Variants in POR observed in about 807,000 individuals in gnomAD.
POR encodes NADPH--cytochrome P450 reductase.
In POR, 56 loss-of-function variants were observed where a neutral mutation model predicts 84.0. That is an observed-to-expected ratio of 0.67 (90% CI 0.54 to 0.83). POR has a LOEUF of 0.83. POR is among the 40% of genes least tolerant of loss of function. The probability of loss-of-function intolerance (pLI) is 0.00; values close to 1 mark genes in which losing one functional copy is unlikely to be tolerated. For missense variants in POR, 938 were observed against 944.3 expected (o/e 0.99, Z 0.09); for synonymous variants, 414 against 400.5 (o/e 1.03, Z -0.40).
chr7:75,955,577 C>T (rs1554553651), intron 2 of POR, among the ~76,000 whole-genome samples: 1 of 152,212 alleles, frequency 6.6e-6, no homozygotes, highest in Non-Finnish European at 1.5e-5. Flanking sequence ...TCCAGGGGCA[C>T]GGGCCTGCTG....
rs1554559218 is a variant in POR, at chr7:75,985,869, G to A, written c.1669+20G>A. The A allele has an allele frequency of 1.3e-6, 2 of 1,551,416 alleles. No individual in the cohort carries two copies. The highest frequency in any genetic ancestry group is 1.2e-5 in the South Asian group (1 of 83,744). ...AGCAGGGTGAGTGGGGTCCCATGGG[G>A]GAGAGGGGGTGACGACTGGGAGCCC... On this transcript the variant is annotated intron_variant, in intron 13 of 15. Coordinates refer to ENST00000461988, the MANE Select transcript of POR (RefSeq NM_000941.3).
At chr7:75,984,980 A>G (rs1200743539) in intron 11 of POR, 22 bp downstream of exon 11, 1 of 1,575,164 alleles carries the variant, frequency 6.3e-7, no homozygotes, top group East Asian at 2.3e-5. Context: ...CAGCCCCCGC[A>G]ACCTCCGCCC....
intron 2 of POR, among the ~76,000 whole-genome samples, chr7:75,961,031 A>G (rs12672697): frequency 0.41 from 62,463 of 152,016 alleles, 13,792 homozygotes; most frequent in African/African-American, 0.57. Flanking sequence ...CCAGGAGTTC[A>G]AGACCAGCCT....
Position 75,986,711 on chromosome 7 carries a change from C to A in POR, c.*230C>A. Reference sequence around the variant, plus strand: ...TGCATGGGGGCACCGGGCTCCATGCCTCTGGAGGCCTCTGGCCCTCGGTGG... The same window carrying A: ...TGCATGGGGGCACCGGGCTCCATGCATCTGGAGGCCTCTGGCCCTCGGTGG... On this transcript the variant is annotated 3_prime_UTR_variant, in exon 16 of 16. Transcript: ENST00000461988. The A allele has an allele frequency of 1.7e-6, 1 of 604,528 alleles. No individual in the cohort carries two copies. Among genetic ancestry groups the A allele is most frequent in the Non-Finnish European group, 2.9e-6 (1 of 344,182 alleles). The allele number at this position is 604,528 out of a possible 1,614,324, so 37.4% of individuals were successfully genotyped here.
At chr7:75,946,035 A>G (rs566419957) in intron 1 of POR, among the ~76,000 whole-genome samples, 3 of 152,186 alleles carry the variant, frequency 2.0e-5, no homozygotes, top group South Asian at 4.2e-4. Context: ...TTATTTGTCC[A>G]TCTTGCTCAG....
chr7:75,972,588 C>T lies in POR; in HGVS notation c.237+127C>T, dbSNP rs782807325. ...CCGGTGGCCAGGAGAGGGAACGCAG[C>T]CCGGCTCGCTTGGGAGTCATTCTTG... On this transcript the variant is annotated intron_variant, in intron 3 of 15. Transcript: ENST00000461988. The T allele has an allele frequency of 6.6e-5, 59 of 896,168 alleles. No homozygotes were observed. In the Middle Eastern group the frequency reaches 7.5e-4, roughly 11 times the overall value. The allele number at this position is 896,168 out of a possible 1,614,324, so 55.5% of individuals were successfully genotyped here. A position where few individuals can be genotyped will look rare whatever the true frequency, so the allele number is the denominator to read the frequency against.
chr7:75,986,174 C>T lies in POR; in HGVS notation c.1831C>T (p.Leu611=), dbSNP rs782032497. The T allele has an allele frequency of 5.6e-6, 9 of 1,611,830 alleles. No individual in the cohort carries two copies. The highest frequency in any genetic ancestry group is 5.5e-5 in the South Asian group (5 of 90,932). ...TTGGCCCCAGGTCTACGTCCAGCAC[C>T]TGCTAAAGCAAGACCGAGAGCACCT... is the stretch of plus-strand genomic sequence containing the variant. The change falls in exon 15 of 16, where the codon CTG becomes TTG. Residue 611 remains leucine (L), a synonymous_variant. Transcript: ENST00000461988.
At chr7:75,965,654 A>G (rs528369714) in intron 2 of POR, among the ~76,000 whole-genome samples, 1 of 152,230 alleles carries the variant, frequency 6.6e-6, no homozygotes, top group South Asian at 2.1e-4. Context: ...TCTCCGGAAA[A>G]TTAGCCCTAG....
chr7:75,932,508 A>C (rs566518790), intron 1 of POR, among the ~76,000 whole-genome samples: 10 of 152,286 alleles, frequency 6.6e-5, no homozygotes, highest in Middle Eastern at 3.4e-3. Context: ...GGAACTTATC[A>C]GTGGCTTACA....
chr7:75,963,665 G>A (rs1052475329), intron 2 of POR, among the ~76,000 whole-genome samples: 1 of 152,226 alleles, frequency 6.6e-6, no homozygotes, highest in Non-Finnish European at 1.5e-5. Context: ...CCCATTGGGG[G>A]TGTGTCAGGG....
At chr7:75,983,242 G>A in intron 8 of POR, 2 of 356,870 alleles carry the variant, frequency 5.6e-6, no homozygotes, top group Non-Finnish European at 1.0e-5. Flanking sequence ...TCAGGAGGCT[G>A]AGGCAGGAGA....
chr7:75,984,041 CCT>C (rs369634181), intron 10 of POR, among the ~76,000 whole-genome samples, 185 bp downstream of exon 10: 1 of 152,164 alleles, frequency 6.6e-6, no homozygotes, highest in Non-Finnish European at 1.5e-5. Context: ...GGGGTCTAGC[CCT>C]CTCTGTCGGG....
intron 8 of POR, 48 bp downstream of exon 8, chr7:75,982,370 G>A: frequency 1.4e-6 from 2 of 1,450,262 alleles, no homozygotes; most frequent in Non-Finnish European, 1.9e-6. Context: ...ATGGCCACTG[G>A]TGCACCCCAG....
At chr7:75,968,914 G>A (rs1788311684) in intron 2 of POR, among the ~76,000 whole-genome samples, 1 of 152,248 alleles carries the variant, frequency 6.6e-6, no homozygotes, top group African/African-American at 2.4e-5. Flanking sequence ...CCGGGCTTCT[G>A]GGATGGGAGC....
intron 2 of POR, among the ~76,000 whole-genome samples, chr7:75,970,071 C>T (rs1424069256): frequency 3.9e-5 from 6 of 152,044 alleles, no homozygotes; most frequent in Admixed American, 6.6e-5. Context: ...CCCAGGGAGC[C>T]GCGTGGAAAT....
intron 1 of POR, chr7:75,946,797 A>G (rs1787193758): frequency 6.6e-6 from 1 of 152,210 alleles, no homozygotes; most frequent in South Asian, 2.1e-4. Context: ...TCAGAGATTA[A>G]AGACTCTTTC....
intron 3 of POR, among the ~76,000 whole-genome samples, chr7:75,974,529 T>C (rs113908956): frequency 2.4e-4 from 35 of 145,896 alleles, no homozygotes; most frequent in African/African-American, 6.8e-4. Flanking sequence ...CTTTTCTTTT[T>C]TTTTTTTTTT....
rs369924019 is a variant in POR, at chr7:75,981,563, G to A, written c.688G>A (p.Val230Met). The A allele has an allele frequency of 2.7e-5, 44 of 1,613,052 alleles. No individual in the cohort carries two copies. The highest frequency in any genetic ancestry group is 2.0e-4 in the African/African-American group (15 of 75,046). Residue 230 changes from valine to methionine, a missense_variant, in exon 7 of 16, where the codon GTG becomes ATG. Val to Met is a conservative substitution (Grantham distance 21). Coordinates refer to ENST00000461988, the MANE Select transcript of POR (RefSeq NM_000941.3). ...CTGGCGAGAGCAGTTCTGGCCGGCCGTGTGTGAACACTTTGGGGTGGAAGC... is the reference window on the plus strand; with the variant it reads ...CTGGCGAGAGCAGTTCTGGCCGGCCATGTGTGAACACTTTGGGGTGGAAGC...
rs1178784293 is a variant in POR, at chr7:75,966,389, A to AG, written c.189-6024_189-6023insG. 3.3e-5 allele frequency among the ~76,000 whole-genome samples: 5 copies of AG among 152,194 alleles called. No individual in the cohort carries two copies. In the East Asian group the frequency reaches 9.6e-4, roughly 29 times the overall value. ...ACTGGCGTTTCCAACCATTAGCCCC[A>AG]TGCCACAAGGCTCTGAAGGTCAAGA... On this transcript the variant is annotated intron_variant, in intron 2 of 15. Coordinates refer to ENST00000461988, the MANE Select transcript of POR (RefSeq NM_000941.3).
Sources: gnomAD v4.1 joint callset for allele counts (sites outside exome capture counted in the v4.1 genomes callset) on GRCh38, gnomAD v4.1.1 for gene constraint, MANE v1.5 for transcripts, NCBI Gene and HGNC (gene_info 2026-07-23, HGNC 2026-07-21) for gene names.